SENP7: variants seen among roughly 807,000 people sequenced by gnomAD.
The protein encoded by SENP7 is sentrin-specific protease 7.
SENP7 carries 64 observed loss-of-function variants against 141.2 expected under a neutral mutation model. That is an observed-to-expected ratio of 0.45 (90% confidence interval 0.37 to 0.56). SENP7 has a LOEUF of 0.56. Ranked by LOEUF, SENP7 falls within the 20% of genes least tolerant of loss-of-function variation. The pLI is 0.00. For synonymous variants in SENP7, 382 were observed against 426.4 expected (o/e 0.90, Z 1.28); for missense variants, 1,025 against 1,212.2 (o/e 0.85, Z 2.29).
chr3:101,474,411 G>A (rs752929124), intron 3 of SENP7, among the ~76,000 whole-genome samples: 1 of 152,098 alleles, frequency 6.6e-6, no homozygotes, highest in East Asian at 1.9e-4. Context: ...CTCCTTAGAT[G>A]TATTCCTAGG....
intron 20 of SENP7, 53 bp downstream of exon 20, chr3:101,330,281 A>G (rs2059014092): frequency 1.5e-6 from 2 of 1,309,882 alleles, no homozygotes; most frequent in Non-Finnish European, 2.2e-6. Flanking sequence ...TACAGATAAC[A>G]TTATTATATT....
chr3:101,448,961 G>A (rs1324902987), intron 4 of SENP7, among the ~76,000 whole-genome samples: 1 of 152,104 alleles, frequency 6.6e-6, no homozygotes, highest in East Asian at 1.9e-4. Flanking sequence ...CCATGGAAAA[G>A]AAGTTAAAAA....
chr3:101,334,551 G>T (rs980497070), intron 17 of SENP7, among the ~76,000 whole-genome samples: 5 of 152,088 alleles, frequency 3.3e-5, no homozygotes, highest in South Asian at 2.1e-4. Context: ...AGTAACATAG[G>T]ATCCAGAATG....
At chr3:101,463,378 T>TATATATATACATATATATAC (rs1553744684) in intron 3 of SENP7, among the ~76,000 whole-genome samples, 4 of 84,408 alleles carry the variant, frequency 4.7e-5, no homozygotes, top group Non-Finnish European at 6.7e-5. Context: ...TATATATATA[T>TATATATATACATATATATAC]ATATATATAT....
Position 101,367,817 on chromosome 3 carries a change from T to C in SENP7, c.978+13A>G. The C allele has an allele frequency of 4.7e-6, 7 of 1,493,918 alleles. No homozygotes were observed. Among genetic ancestry groups the C allele is most frequent in the Non-Finnish European group, 6.4e-6 (7 of 1,095,918 alleles). 92.5% of individuals were successfully genotyped at this position (1,493,918 alleles called of 1,614,324 possible). A position where few individuals can be genotyped will look rare whatever the true frequency, so the allele number is the denominator to read the frequency against. On this transcript the variant is annotated intron_variant, in intron 8 of 23. Transcript: ENST00000394095. ...GAAATTATTTCCTATAATATCTAAA[T>C]ACCTCTACTTACTGTCTGTTCTGTT...
At chr3:101,413,477 CTCTT>C (rs1316576325) in intron 5 of SENP7, among the ~76,000 whole-genome samples, 1 of 152,164 alleles carries the variant, frequency 6.6e-6, no homozygotes, top group Non-Finnish European at 1.5e-5. Context: ...GAGAAGCAAT[CTCTT>C]TCTTTTATCC....
intron 4 of SENP7, among the ~76,000 whole-genome samples, chr3:101,442,362 A>C (rs1365721184): frequency 6.6e-6 from 1 of 152,182 alleles, no homozygotes; most frequent in Non-Finnish European, 1.5e-5. Context: ...TCCATCTCAT[A>C]TCATCAGGCA....
At chr3:101,446,577 C>T (rs1169707694) in intron 4 of SENP7, among the ~76,000 whole-genome samples, 1 of 152,090 alleles carries the variant, frequency 6.6e-6, no homozygotes, top group Non-Finnish European at 1.5e-5. Context: ...CTCCTGAGAC[C>T]ACATTGGAAT....
chr3:101,340,086 T>C lies in SENP7; in HGVS notation c.2357+9A>G. 1.9e-6 allele frequency: 3 copies of C among 1,563,490 alleles called. No individual in the cohort carries two copies. Among genetic ancestry groups the C allele is most frequent in the South Asian group, 1.2e-5 (1 of 82,094 alleles). ...TAAAATATGTAGGATCATTTATCAT[T>C]GTACTTACTTAAGGTAAAAATCAAT... On this transcript the variant is annotated intron_variant, in intron 16 of 23. Coordinates refer to ENST00000394095, the MANE Select transcript of SENP7 (RefSeq NM_020654.5).
At chr3:101,378,997 C>T (rs113486937) in intron 6 of SENP7, among the ~76,000 whole-genome samples, 1,822 of 152,084 alleles carry the variant, frequency 0.012, 30 homozygotes, top group African/African-American at 0.04. Flanking sequence ...TGTAAAGCTA[C>T]GGTAATCAAA....
chr3:101,508,632 G>C (rs2065726829), intron 1 of SENP7, among the ~76,000 whole-genome samples: 1 of 152,138 alleles, frequency 6.6e-6, no homozygotes, highest in South Asian at 2.1e-4. Flanking sequence ...AAGGAAAACT[G>C]TTCCTTACAG....
At chr3:101,363,303 A>G (rs2059949445) in intron 10 of SENP7, 1 of 166,290 alleles carries the variant, frequency 6.0e-6, no homozygotes, top group Non-Finnish European at 1.2e-5. Flanking sequence ...AGAAGTTGGT[A>G]TAGAAATAAT....
At chr3:101,511,549 GGCATATACCTACA>G in intron 1 of SENP7, among the ~76,000 whole-genome samples, 1 of 151,998 alleles carries the variant, frequency 6.6e-6, no homozygotes, top group African/African-American at 2.4e-5. Flanking sequence ...ATCAGTTGGA[GGCATATACCTACA>G]TGTATGTATA....
intron 3 of SENP7, among the ~76,000 whole-genome samples, chr3:101,460,250 C>A (rs1192213018): frequency 6.6e-6 from 1 of 152,134 alleles, no homozygotes; most frequent in East Asian, 1.9e-4. Context: ...CCAAAACAAT[C>A]TTGAAGAAGG....
chr3:101,366,877 C>T, intron 8 of SENP7, 108 bp from the exon 9 acceptor site: 2 of 670,512 alleles, frequency 3.0e-6, no homozygotes, highest in South Asian at 4.1e-5. Context: ...TCTATAACTA[C>T]ATGGATAGAA....
chr3:101,408,494 G>C (rs1183440869), intron 5 of SENP7, among the ~76,000 whole-genome samples: 1 of 151,868 alleles, frequency 6.6e-6, no homozygotes, highest in Non-Finnish European at 1.5e-5. Context: ...GAAAACTACA[G>C]ACCAATACCC....
intron 3 of SENP7, among the ~76,000 whole-genome samples, chr3:101,463,384 TATATATATATATAC>T (rs1304432150): frequency 1.7e-4 from 16 of 94,772 alleles, no homozygotes; most frequent in African/African-American, 6.5e-4. Flanking sequence ...TATATATATA[TATATATATATATAC>T]ATATATATAT....
At chr3:101,452,225 A>C (rs551121957) in intron 4 of SENP7, among the ~76,000 whole-genome samples, 25 of 152,362 alleles carry the variant, frequency 1.6e-4, no homozygotes, top group African/African-American at 5.8e-4. Context: ...GGACACAAAC[A>C]AATGGAAGAA....
At chr3:101,445,790 A>G (rs1208716308) in intron 4 of SENP7, among the ~76,000 whole-genome samples, 1 of 152,246 alleles carries the variant, frequency 6.6e-6, no homozygotes, top group Non-Finnish European at 1.5e-5. Context: ...CTTACAAAGA[A>G]ACAAAAAGGT....
Sources: allele counts gnomAD v4.1 joint callset (sites outside exome capture counted in the v4.1 genomes callset), GRCh38; gene constraint gnomAD v4.1.1; transcripts MANE v1.5; gene names NCBI Gene and HGNC (gene_info 2026-07-23, HGNC 2026-07-21).